HMCN1: variants seen among roughly 807,000 people sequenced by gnomAD.
HMCN1 encodes hemicentin-1.
In HMCN1, 321 loss-of-function variants were observed where a neutral mutation model predicts 625.9. The observed-to-expected ratio is 0.51, with a 90% CI of 0.47 to 0.56. The LOEUF (loss-of-function observed/expected upper bound fraction) is 0.56. HMCN1 is among the 20% of genes least tolerant of loss of function. The pLI is 0.00. For synonymous variants in HMCN1, 2,425 were observed against 2,417.6 expected, an observed-to-expected ratio of 1.00 and a Z score of -0.09; for missense variants, 6,588 against 6,887.3, an observed-to-expected ratio of 0.96 and a Z score of 1.54.
intron 1 of HMCN1, among the ~76,000 whole-genome samples, chr1:185,807,548 T>C (rs1381184228): frequency 6.6e-6 from 1 of 152,224 alleles, no homozygotes; most frequent in Non-Finnish European, 1.5e-5. Flanking sequence ...TATATGCTCC[T>C]GGATTCATGC....
At position 185,892,006 on chromosome 1, in the gene HMCN1, G is replaced by A. The variant is rs879291995; in HGVS notation, c.622-17331G>A. Among the ~76,000 whole-genome samples, 31 of 151,376 alleles carry A rather than the reference G, an allele frequency of 2.0e-4. 1 individual carries two copies. The highest frequency in any genetic ancestry group is 3.4e-3 in the Middle Eastern group (1 of 292). On this transcript the variant is annotated intron_variant, in intron 4 of 106. Transcript: ENST00000271588. ...CCCACATTTCTTGGAGGTTTTGCTC[G>A]TTTCTTTTTATTCTTTTTTCTCTAA...
At chr1:185,743,966 A>G (rs998044186) in intron 1 of HMCN1, among the ~76,000 whole-genome samples, 13 of 148,238 alleles carry the variant, frequency 8.8e-5, no homozygotes, top group Admixed American at 4.0e-4. Context: ...ATTCTACTTG[A>G]TGACTTTACT....
intron 104 of HMCN1, 105 bp downstream of exon 104, chr1:186,178,871 T>C: frequency 9.5e-6 from 8 of 844,946 alleles, no homozygotes; most frequent in Non-Finnish European, 1.4e-5. Context: ...ACATCTGATC[T>C]CAAGTTCGGA....
intron 99 of HMCN1, 27 bp downstream of exon 99, chr1:186,166,330 T>C (rs1651877966): frequency 6.2e-7 from 1 of 1,613,702 alleles, no homozygotes; most frequent in African/African-American, 1.3e-5. Context: ...TACACACATT[T>C]AAGCAATGGG....
chr1:186,022,260 T>C (rs1294870386), intron 35 of HMCN1, among the ~76,000 whole-genome samples: 3 of 152,076 alleles, frequency 2.0e-5, no homozygotes, highest in Non-Finnish European at 2.9e-5. Context: ...ACAGCTATGT[T>C]CCTTGGGTGT....
At position 186,132,340 on chromosome 1, in the gene HMCN1, G is replaced by A. The variant is rs762435845; in HGVS notation, c.13243G>A (p.Gly4415Ser). 9.9e-6 allele frequency: 16 copies of A among 1,612,326 alleles called. No homozygotes were observed. Among genetic ancestry groups the A allele is most frequent in the African/African-American group, 1.3e-5 (1 of 74,840 alleles). Residue 4415 changes from glycine (G) to serine (S), a missense_variant, in exon 86 of 107, where the codon GGT (glycine) becomes AGT (serine). Transcript: ENST00000271588. ...CTTATTTCCATAGAATGAAGATGCC[G>A]GTGACTATACATGTGTAGCTACCAA... ...AIYGTVNEDAGDYTCVATNEA... is the reference protein window; with the variant it reads ...AIYGTVNEDASDYTCVATNEA...
intron 104 of HMCN1, 104 bp downstream of exon 104, chr1:186,178,870 C>T: frequency 1.2e-6 from 1 of 849,056 alleles, no homozygotes; most frequent in Non-Finnish European, 2.0e-6. Flanking sequence ...TACATCTGAT[C>T]TCAAGTTCGG....
At chr1:186,015,501 C>A in intron 31 of HMCN1, 64 bp downstream of exon 31, 1 of 1,457,252 alleles carries the variant, frequency 6.9e-7, no homozygotes, top group South Asian at 1.1e-5. Context: ...AGGCAAATAT[C>A]GAATTTATTC....
intron 4 of HMCN1, among the ~76,000 whole-genome samples, chr1:185,877,633 T>A (rs1664040762): frequency 6.6e-6 from 1 of 152,092 alleles, no homozygotes; most frequent in Non-Finnish European, 1.5e-5. Context: ...TCATCTATAA[T>A]TTCTTTCATC....
chr1:185,780,209 CTT>C (rs1427865221), intron 1 of HMCN1, among the ~76,000 whole-genome samples: 4 of 152,184 alleles, frequency 2.6e-5, no homozygotes, highest in Admixed American at 1.3e-4. Context: ...TATCCTGAGA[CTT>C]TGCTGAAGTT....
Position 186,074,786 on chromosome 1 carries a change from A to G in HMCN1, c.8185A>G (p.Thr2729Ala). Reference sequence around the variant, plus strand: ...TGTTAATATTGCTGCGAATGGACACACACTTCAAATAAAGGAGGCTCAAAT... The same window carrying G: ...TGTTAATATTGCTGCGAATGGACACGCACTTCAAATAAAGGAGGCTCAAAT... ...DHVNIAANGH[T>A]LQIKEAQISD... Residue 2729 changes from threonine (T) to alanine (A), a missense_variant, in exon 53 of 107, where the codon ACA becomes GCA. Thr to Ala is a moderately conservative substitution (Grantham distance 58, BLOSUM62 0). This residue lies in a region of HMCN1 where 4,628 missense variants were observed against 4,853.1 expected (regional missense o/e 0.95). Coordinates refer to ENST00000271588, the MANE Select transcript of HMCN1 (RefSeq NM_031935.3). 1 of 1,613,072 alleles carries G rather than the reference A, an allele frequency of 6.2e-7. No homozygotes were observed.
intron 94 of HMCN1, 127 bp downstream of exon 94, chr1:186,151,476 A>T: frequency 8.0e-7 from 1 of 1,257,394 alleles, no homozygotes; most frequent in East Asian, 2.4e-5. Flanking sequence ...ACAAACATAC[A>T]TGAGGTACTG....
intron 1 of HMCN1, among the ~76,000 whole-genome samples, chr1:185,779,063 T>C (rs1303492434): frequency 1.3e-5 from 2 of 152,232 alleles, no homozygotes; most frequent in Non-Finnish European, 2.9e-5. Context: ...TGGTATCTCA[T>C]TGTGGTTTTG....
At position 185,750,590 on chromosome 1, in the gene HMCN1, T is replaced by C. The variant is rs112240381; in HGVS notation, c.268+15543T>C. ...CATTTTAATCTCTAATGGTACTGTT[T>C]GCTTTTAAATGCGTTTTGCTTGGCA... On this transcript the variant is annotated intron_variant, in intron 1 of 106. Transcript: ENST00000271588. Among the ~76,000 whole-genome samples the C allele has an allele frequency of 1.1e-3, 162 of 152,310 alleles. 1 individual carries two copies. The highest frequency in any genetic ancestry group is 1.8e-3 in the Non-Finnish European group (124 of 68,012).
chr1:185,991,255 C>T (rs988390908), intron 22 of HMCN1, among the ~76,000 whole-genome samples: 1 of 152,078 alleles, frequency 6.6e-6, no homozygotes, highest in Non-Finnish European at 1.5e-5. Context: ...ATGCTAGTGT[C>T]ATTTCCCTAC....
At chr1:185,862,282 G>A (rs1018936229) in intron 2 of HMCN1, among the ~76,000 whole-genome samples, 3 of 152,022 alleles carry the variant, frequency 2.0e-5, no homozygotes, top group Admixed American at 6.5e-5. Context: ...ATAAAGTTAA[G>A]TGGAAGGAAA....
chr1:185,928,794 C>G (rs1363110624), intron 10 of HMCN1, 127 bp downstream of exon 10: 14 of 1,051,256 alleles, frequency 1.3e-5, no homozygotes, highest in Non-Finnish European at 2.0e-5. Flanking sequence ...TATCTCTCCA[C>G]TGAATTGAGA....
At chr1:185,847,142 T>TTA (rs398103449) in intron 2 of HMCN1, among the ~76,000 whole-genome samples, 1 of 152,038 alleles carries the variant, frequency 6.6e-6, no homozygotes, top group Non-Finnish European at 1.5e-5. Flanking sequence ...GTTTTTTTTT[T>TTA]ATCATTTGAA....
intron 11 of HMCN1, among the ~76,000 whole-genome samples, chr1:185,955,108 C>T (rs1649528981): frequency 6.6e-6 from 1 of 152,110 alleles, no homozygotes; most frequent in Admixed American, 6.6e-5. Context: ...CATGCTCATC[C>T]AACTCAAACT....
Sources: gnomAD v4.1 joint callset for allele counts (sites outside exome capture counted in the v4.1 genomes callset) on GRCh38, gnomAD v4.1.1 for gene constraint, gnomAD v4.1.1 regional missense constraint, MANE v1.5 for transcripts, NCBI Gene and HGNC (gene_info 2026-07-23, HGNC 2026-07-21) for gene names.